TCHH: variants seen among roughly 807,000 people sequenced by gnomAD.
TCHH encodes trichohyalin.
In TCHH, 6 loss-of-function variants were observed where a neutral mutation model predicts 6.3. The observed-to-expected ratio is 0.95, with a 90% CI of 0.52 to 1.88. The LOEUF is 1.88. TCHH is among the 40% of genes most tolerant of loss of function. The pLI is 0.01. For synonymous variants in TCHH, 1,087 were observed against 963.6 expected (o/e 1.13, Z -2.37); for missense variants, 2,920 against 2,449.1 (o/e 1.19, Z -4.06).
rs751460363 is a variant in TCHH, at chr1:152,110,897, C to T, written c.2320G>A (p.Glu774Lys). 1.9e-6 allele frequency: 3 copies of T among 1,612,278 alleles called. No homozygotes were observed. Among genetic ancestry groups the T allele is most frequent in the Admixed American group, 1.7e-5 (1 of 60,006 alleles). The change falls in exon 3 of 3, where the codon GAG becomes AAG. Residue 774 changes from glutamate (E) to lysine (K), a missense_variant. Glu to Lys is a moderately conservative substitution (Grantham distance 56). Coordinates refer to ENST00000614923, the MANE Select transcript of TCHH (RefSeq NM_007113.4). Reference sequence around the variant, plus strand: ...TGACGGCCCCTCTCGCTCTTTTCCTCCGCCTGCCACTGCCATGTGAAGTCC... The same window carrying T: ...TGACGGCCCCTCTCGCTCTTTTCCTTCGCCTGCCACTGCCATGTGAAGTCC... ...RRDFTWQWQA[E>K]EKSERGRQRL... is the part of the protein sequence containing the mutation.
rs1658407265 is a variant in TCHH at position 152,112,399 on chromosome 1, T to C, written c.818A>G (p.Glu273Gly). ...CAGCTTCCGTAGCTGCTCTTCTTCC[T>C]CCTGGAGCTCTCTTTGCCGCTGCGG... is the stretch of plus-strand genomic sequence containing the variant. The part of the protein sequence containing the change: ...EEPQRQRELQ[E>G]EEEQLRKLER... The change falls in exon 3 of 3, where the codon GAG (glutamate) becomes GGG (glycine). Residue 273 changes from glutamate (E) to glycine (G), a missense_variant. Glu to Gly is a moderately conservative substitution (Grantham distance 98, BLOSUM62 -2). Coordinates refer to ENST00000614923, the MANE Select transcript of TCHH (RefSeq NM_007113.4). 6.2e-7 allele frequency: 1 copy of C among 1,613,832 alleles called. No individual in the cohort carries two copies. The highest frequency in any genetic ancestry group is 2.2e-5 in the East Asian group (1 of 44,846).
Position 152,113,082 on chromosome 1 carries a change from TA to T in TCHH, c.139-5del. On this transcript the variant is annotated splice_region_variant and splice_polypyrimidine_tract_variant and intron_variant, in intron 2 of 2. Coordinates refer to ENST00000614923, the MANE Select transcript of TCHH (RefSeq NM_007113.4). The stretch of plus-strand genomic sequence containing the variant: ...CCGTCTTAGGGTCATGTGGTCTCTA[TA>T]AAAATGGTGAAAACAAAAATTTTAC... 1 of 1,570,720 alleles carries T rather than the reference TA, an allele frequency of 6.4e-7. No homozygotes were observed. The highest frequency in any genetic ancestry group is 8.6e-7 in the Non-Finnish European group (1 of 1,161,312).
Position 152,111,418 on chromosome 1 carries a change from TGCTCGAG to T in TCHH, c.1792_1798del (p.Leu598SerfsTer3), listed in dbSNP as rs1160568862. On this transcript the variant is annotated frameshift_variant, in exon 3 of 3. Coordinates refer to ENST00000614923, the MANE Select transcript of TCHH (RefSeq NM_007113.4). LOFTEE classifies it low-confidence loss of function (END_TRUNC). ...CTCCACCTCCTCGCGCTTCAGTCGC[TGCTCGAG>T]CCTCTCTTCCTGCTCGCGCTTCAGC... The T allele has an allele frequency of 6.2e-7, 1 of 1,610,696 alleles. No individual in the cohort carries two copies.
intron 1 of TCHH, among the ~76,000 whole-genome samples, chr1:152,115,122 T>G (rs1182890280): frequency 6.6e-6 from 1 of 152,196 alleles, no homozygotes; most frequent in African/African-American, 2.4e-5. Flanking sequence ...TAGCAGTTTT[T>G]AGGAAGATGA....
Position 152,108,980 on chromosome 1 carries a change from C to T in TCHH, c.4237G>A (p.Asp1413Asn), listed in dbSNP as rs767607780. 2 of 1,612,284 alleles carry T rather than the reference C, an allele frequency of 1.2e-6. No homozygotes were observed. Among genetic ancestry groups the T allele is most frequent in the Non-Finnish European group, 1.7e-6 (2 of 1,179,500 alleles). The change falls in exon 3 of 3, where the codon GAC (aspartate) becomes AAC (asparagine). Residue 1413 changes from aspartate (D) to asparagine (N), a missense_variant. Physicochemically the swap from Asp to Asn is conservative, Grantham distance 23 (BLOSUM62 1). Coordinates refer to ENST00000614923, the MANE Select transcript of TCHH (RefSeq NM_007113.4). ...EREQQLRQDR[D>N]RKFREEEQQL... ...TGTTCCTCCTCGCGGAATTTTCTGTCGCGGTCCTGACGCAGCTGTTGCTCG... is the reference window on the plus strand; with the variant it reads ...TGTTCCTCCTCGCGGAATTTTCTGTTGCGGTCCTGACGCAGCTGTTGCTCG...
Position 152,112,957 on chromosome 1 carries a change from T to C in TCHH, c.260A>G (p.Tyr87Cys), listed in dbSNP as rs750586260. ...FIFKVAQACYYALGQATGLDE... is the reference protein window; with the variant it reads ...FIFKVAQACYCALGQATGLDE... Reference sequence around the variant, plus strand: ...CAGTCCCGTGGCCTGGCCGAGAGCATAGTAACAAGCTTGAGCCACTTTGAA... The same window carrying C: ...CAGTCCCGTGGCCTGGCCGAGAGCACAGTAACAAGCTTGAGCCACTTTGAA... The change falls in exon 3 of 3, where the codon TAT (tyrosine) becomes TGT (cysteine). Residue 87 changes from tyrosine to cysteine, a missense_variant. Physicochemically the swap from Tyr to Cys is radical, Grantham distance 194. Transcript: ENST00000614923. 3.7e-6 allele frequency: 6 copies of C among 1,614,010 alleles called. No individual in the cohort carries two copies. Among genetic ancestry groups the C allele is most frequent in the East Asian group, 2.2e-5 (1 of 44,856 alleles).
rs139165438 is a variant in TCHH, at chr1:152,115,204, C to G, written c.-32+187G>C. 2.2e-3 allele frequency among the ~76,000 whole-genome samples: 328 copies of G among 152,246 alleles called. 2 individuals are homozygous for G. Among genetic ancestry groups the G allele is most frequent in the African/African-American group, 7.7e-3 (320 of 41,536 alleles). On this transcript the variant is annotated intron_variant, in intron 1 of 2. Transcript: ENST00000614923. ...GAGTTCAGAGCCCAAGGAGAAGGGT[C>G]ATGCTTCAGTTCAAGTGATGGCTCC...
Position 152,114,090 on chromosome 1 carries a change from TTTCC to T in TCHH, c.-14_-11del. 6.3e-7 allele frequency: 1 copy of T among 1,595,756 alleles called. No individual in the cohort carries two copies. The highest frequency in any genetic ancestry group is 8.5e-7 in the Non-Finnish European group (1 of 1,175,236). Reference sequence around the variant, plus strand: ...TCAGAAGTGGAGACATTTTTTTTTCTTTCCTTCAAGTTCAAGTAAACCTAGAACA... The same window carrying T: ...TCAGAAGTGGAGACATTTTTTTTTCTTTCAAGTTCAAGTAAACCTAGAACA... On this transcript the variant is annotated 5_prime_UTR_variant, in exon 2 of 3. Coordinates refer to ENST00000614923, the MANE Select transcript of TCHH (RefSeq NM_007113.4).
chr1:152,109,841 C>T lies in TCHH; in HGVS notation c.3376G>A (p.Glu1126Lys), dbSNP rs759004035. ...TGGCGCCTTCTCTTCTCCCGTTCCT[C>T]TCTCAGCAGCTGCTCTTCCTCCTGC... ...LQQEEEQLLR[E>K]EREKRRRQEL... The change falls in exon 3 of 3, where the codon GAG becomes AAG. Residue 1126 changes from glutamate to lysine, a missense_variant. Coordinates refer to ENST00000614923, the MANE Select transcript of TCHH (RefSeq NM_007113.4). The T allele has an allele frequency of 1.2e-5, 20 of 1,611,388 alleles. No homozygotes were observed. Among genetic ancestry groups the T allele is most frequent in the Non-Finnish European group, 1.6e-5 (19 of 1,179,370 alleles).
At position 152,108,071 on chromosome 1, in the gene TCHH, G is replaced by T. The variant is rs1311149956; in HGVS notation, c.5146C>A (p.Leu1716Met). 1 of 1,612,216 alleles carries T rather than the reference G, an allele frequency of 6.2e-7. No individual in the cohort carries two copies. The highest frequency in any genetic ancestry group is 1.3e-5 in the African/African-American group (1 of 74,202). ...ERKFLQEEQQ[L>M]RRQELERKFR... The stretch of plus-strand genomic sequence containing the variant: ...TTTCTCTCCAGTTCCTGGCGGCGCA[G>T]CTGCTGTTCCTCCTGGAGGAATTTT... Residue 1716 changes from leucine to methionine, a missense_variant, in exon 3 of 3, where the codon CTG becomes ATG. By Grantham distance (15) the Leu-to-Met change is conservative (BLOSUM62 2). Coordinates refer to ENST00000614923, the MANE Select transcript of TCHH (RefSeq NM_007113.4).
chr1:152,108,542 C>T lies in TCHH; in HGVS notation c.4675G>A (p.Glu1559Lys), dbSNP rs201179054. Residue 1559 changes from glutamate to lysine, a missense_variant, in exon 3 of 3, where the codon GAG (glutamate) becomes AAG (lysine). Physicochemically the swap from Glu to Lys is moderately conservative, Grantham distance 56. Coordinates refer to ENST00000614923, the MANE Select transcript of TCHH (RefSeq NM_007113.4). ...RRQDRDRKFR[E>K]EEQLRQEREE... ...CTCTCCTGGCGCAGCTGTTCCTCCT[C>T]GCGGAATTTTCTGTCACGGTCCTGA... The T allele has an allele frequency of 1.0e-5, 16 of 1,605,844 alleles. No homozygotes were observed. In the Admixed American group the frequency reaches 1.9e-4, roughly 19 times the overall value.
rs1318584926 is a variant in TCHH at position 152,109,922 on chromosome 1, C to T, written c.3295G>A (p.Glu1099Lys). 2 of 1,591,768 alleles carry T rather than the reference C, an allele frequency of 1.3e-6. No homozygotes were observed. The highest frequency in any genetic ancestry group is 4.7e-5 in the East Asian group (2 of 42,232). Residue 1099 changes from glutamate to lysine, a missense_variant, in exon 3 of 3, where the codon GAG (glutamate) becomes AAG (lysine). By Grantham distance (56) the Glu-to-Lys change is moderately conservative. Transcript: ENST00000614923. ...TCCCGCTCCTGGCGCCTTCTCTTCTCCGGTTCCTCTCTCAGCAGCTGCTCT... is the reference window on the plus strand; with the variant it reads ...TCCCGCTCCTGGCGCCTTCTCTTCTTCGGTTCCTCTCTCAGCAGCTGCTCT... The part of the protein sequence containing the change: ...EEEQLLREEP[E>K]KRRRQERERQ...
chr1:152,114,199 A>G, intron 1 of TCHH, 88 bp from the exon 2 acceptor site: 1 of 915,622 alleles, frequency 1.1e-6, no homozygotes, highest in Non-Finnish European at 1.6e-6. Flanking sequence ...AGATCCCTAA[A>G]TAATTTGAAT....
chr1:152,112,921 T>C lies in TCHH; in HGVS notation c.296A>G (p.Lys99Arg). ...LGQATGLDEE[K>R]RARCDGKESL... ...CTCCTTTCCGTCACACCGGGCTCGCTTCTCCTCATCCAGTCCCGTGGCCTG... is the reference window on the plus strand; with the variant it reads ...CTCCTTTCCGTCACACCGGGCTCGCCTCTCCTCATCCAGTCCCGTGGCCTG... Residue 99 changes from lysine (K) to arginine (R), a missense_variant, in exon 3 of 3, where the codon AAG becomes AGG. Lys to Arg is a conservative substitution (Grantham distance 26, BLOSUM62 2). Coordinates refer to ENST00000614923, the MANE Select transcript of TCHH (RefSeq NM_007113.4). The C allele has an allele frequency of 6.2e-7, 1 of 1,613,960 alleles. No homozygotes were observed. Among genetic ancestry groups the C allele is most frequent in the Non-Finnish European group, 8.5e-7 (1 of 1,180,016 alleles).
Position 152,107,596 on chromosome 1 carries a change from T to C in TCHH, c.5621A>G (p.Gln1874Arg). Reference sequence around the variant, plus strand: ...TTCCCGTAATTTCCTTTCCCGTTCCTGGCGACGTTTCTGCTCCTCTTCTTG... The same window carrying C: ...TTCCCGTAATTTCCTTTCCCGTTCCCGGCGACGTTTCTGCTCCTCTTCTTG... Reference protein sequence around the residue: ...LWQEEEQKRRQERERKLREEH... With the variant: ...LWQEEEQKRRRERERKLREEH... The change falls in exon 3 of 3, where the codon CAG becomes CGG. Residue 1874 changes from glutamine to arginine, a missense_variant. Coordinates refer to ENST00000614923, the MANE Select transcript of TCHH (RefSeq NM_007113.4). 1.2e-6 allele frequency: 2 copies of C among 1,614,170 alleles called. No individual in the cohort carries two copies. The highest frequency in any genetic ancestry group is 1.7e-6 in the Non-Finnish European group (2 of 1,180,016).
chr1:152,111,781 T>G lies in TCHH; in HGVS notation c.1436A>C (p.Asp479Ala). ...QERRKQQLKR[D>A]QEEERRERWL... is the part of the protein sequence containing the mutation. ...ACGTTCGCGCCTCTCCTCCTCCTGG[T>G]CGCGCTTCAGCTGCTGCTTGCGCCT... Residue 479 changes from aspartate to alanine, a missense_variant, in exon 3 of 3, where the codon GAC becomes GCC. Coordinates refer to ENST00000614923, the MANE Select transcript of TCHH (RefSeq NM_007113.4). The G allele has an allele frequency of 6.4e-7, 1 of 1,561,816 alleles. No individual in the cohort carries two copies. The highest frequency in any genetic ancestry group is 8.7e-7 in the Non-Finnish European group (1 of 1,155,252).
At chr1:152,113,178 A>G (rs1658434472) in intron 2 of TCHH, 100 bp from the exon 3 acceptor site, 5 of 1,163,168 alleles carry the variant, frequency 4.3e-6, no homozygotes, top group South Asian at 1.7e-5. Context: ...GACATTCAAG[A>G]GACATTCAGA....
chr1:152,108,670 T>G lies in TCHH; in HGVS notation c.4547A>C (p.Lys1516Thr), dbSNP rs1206532872. The change falls in exon 3 of 3, where the codon AAA becomes ACA. Residue 1516 changes from lysine to threonine, a missense_variant. Transcript: ENST00000614923. ...QELRSQEPER[K>T]FLEEEQQLHR... Reference sequence around the variant, plus strand: ...CAGCTGCTGTTCCTCCTCGAGGAATTTTCTCTCTGGTTCCTGACTGCGCAG... The same window carrying G: ...CAGCTGCTGTTCCTCCTCGAGGAATGTTCTCTCTGGTTCCTGACTGCGCAG... 1 of 1,611,892 alleles carries G rather than the reference T, an allele frequency of 6.2e-7. No homozygotes were observed. The highest frequency in any genetic ancestry group is 1.7e-5 in the Admixed American group (1 of 59,452).
In TCHH at chr1:152,112,640, G is replaced by C; in HGVS notation, c.577C>G (p.Leu193Val). ...REERRAEEEQLQSCKGHETEE... is the reference protein window; with the variant it reads ...REERRAEEEQVQSCKGHETEE... ...GTTTCGTGACCTTTGCAACTCTGCA[G>C]CTGCTCTTCCTCTGCACGGCGCTCT... Residue 193 changes from leucine (L) to valine (V), a missense_variant, in exon 3 of 3, where the codon CTG (leucine) becomes GTG (valine). Transcript: ENST00000614923. The C allele has an allele frequency of 6.2e-7, 1 of 1,613,726 alleles. No homozygotes were observed.
Sources: gnomAD v4.1 joint callset for allele counts (sites outside exome capture counted in the v4.1 genomes callset) on GRCh38, gnomAD v4.1.1 for gene constraint, MANE v1.5 for transcripts, NCBI Gene and HGNC (gene_info 2026-07-23, HGNC 2026-07-21) for gene names.